TANC1: variants seen among roughly 807,000 people sequenced by gnomAD.
The protein encoded by TANC1 is tetratricopeptide repeat, ankyrin repeat and coiled-coil containing 1, also known as protein TANC1.
Under a neutral mutation model 149.7 loss-of-function variants are expected in TANC1, and 77 were observed. That is an observed-to-expected ratio of 0.51 (90% CI 0.43 to 0.62). The LOEUF is 0.62. TANC1 is among the 20% of genes least tolerant of loss of function. The probability of loss-of-function intolerance (pLI) is 0.00; values close to 1 mark genes in which losing one functional copy is unlikely to be tolerated. For missense variants in TANC1, 1,985 were observed against 2,321.8 expected (o/e 0.85, Z 2.98); for synonymous variants, 854 against 925.0 (o/e 0.92, Z 1.39).
intron 1 of TANC1, among the ~76,000 whole-genome samples, chr2:158,993,325 T>TC (rs2035849163): frequency 6.6e-6 from 1 of 152,156 alleles, no homozygotes; most frequent in Admixed American, 6.5e-5. Flanking sequence ...AATGGCACGA[T>TC]CAGCTTACTT....
In TANC1 at chr2:159,170,527, G is replaced by C; in HGVS notation, c.1073G>C (p.Arg358Pro). Residue 358 changes from arginine (R) to proline (P), a missense_variant, in exon 10 of 27, where the codon CGA becomes CCA. Coordinates refer to ENST00000263635, the MANE Select transcript of TANC1 (RefSeq NM_033394.3). The part of the protein sequence containing the change: ...AGGRAQEVKA[R>P]FAPYKPQDIL... ...ATTTTTTTTTCTTCTTTTGAAGCACGATTTGCTCCCTACAAGCCACAAGAC... is the reference window on the plus strand; with the variant it reads ...ATTTTTTTTTCTTCTTTTGAAGCACCATTTGCTCCCTACAAGCCACAAGAC... The C allele has an allele frequency of 6.3e-7, 1 of 1,582,108 alleles. No individual in the cohort carries two copies. Among genetic ancestry groups the C allele is most frequent in the South Asian group, 1.2e-5 (1 of 86,462 alleles).
chr2:159,145,169 GT>G (rs1225224254), intron 5 of TANC1, among the ~76,000 whole-genome samples: 1 of 152,194 alleles, frequency 6.6e-6, no homozygotes, highest in Non-Finnish European at 1.5e-5. Context: ...GGATGGTTTG[GT>G]AAGCAGAAAA....
At chr2:159,027,415 T>C (rs2039435942) in intron 2 of TANC1, among the ~76,000 whole-genome samples, 1 of 152,254 alleles carries the variant, frequency 6.6e-6, no homozygotes, top group Non-Finnish European at 1.5e-5. Flanking sequence ...GTGACAAGGA[T>C]GGCCTTTACT....
intron 5 of TANC1, among the ~76,000 whole-genome samples, chr2:159,143,526 T>C (rs1012335553): frequency 8.5e-5 from 9 of 105,802 alleles, no homozygotes; most frequent in African/African-American, 3.4e-4. Flanking sequence ...ATAACCAGCC[T>C]GAGTAACATA....
chr2:159,095,913 A>G (rs1362472338), intron 3 of TANC1, among the ~76,000 whole-genome samples: 2 of 152,068 alleles, frequency 1.3e-5, no homozygotes, highest in African/African-American at 4.8e-5. Context: ...AGCCTTGTAC[A>G]CAAAAATCTG....
Position 159,149,163 on chromosome 2 carries a change from C to T in TANC1, c.386C>T (p.Pro129Leu), listed in dbSNP as rs891906625. ...CCAGAAGCAAAGGCCGATAATGAAC[C>T]GAGCTGTTCGCCGGCAGCTCAAGAA... The part of the protein sequence containing the change: ...DEHEAKADNE[P>L]SCSPAAQELL... The change falls in exon 6 of 27, where the codon CCG (proline) becomes CTG (leucine). Residue 129 changes from proline (P) to leucine (L), a missense_variant. Around this residue, in one of 3 missense-constraint regions of TANC1, gnomAD observed 557 missense variants for 612.9 expected, o/e 0.91. Transcript: ENST00000263635. 9.3e-6 allele frequency: 15 copies of T among 1,605,270 alleles called. No individual in the cohort carries two copies. Among genetic ancestry groups the T allele is most frequent in the African/African-American group, 4.0e-5 (3 of 74,646 alleles).
chr2:159,053,001 C>T (rs1218926451), intron 2 of TANC1, among the ~76,000 whole-genome samples: 1 of 152,178 alleles, frequency 6.6e-6, no homozygotes, highest in Non-Finnish European at 1.5e-5. Flanking sequence ...TTCAAAAACA[C>T]TCTGAGGGTA....
chr2:158,991,166 A>G (rs1265888800), intron 1 of TANC1, among the ~76,000 whole-genome samples: 1 of 151,896 alleles, frequency 6.6e-6, no homozygotes, highest in African/African-American at 2.4e-5. Context: ...GGATTAAAAT[A>G]CACTGTTACT....
chr2:159,172,339 A>G (rs1174103251), intron 11 of TANC1, 67 bp downstream of exon 11: 5 of 1,495,990 alleles, frequency 3.3e-6, no homozygotes, highest in Non-Finnish European at 4.6e-6. Context: ...TCTGAGAAGT[A>G]GATTGGAAAA....
At chr2:159,204,965 C>G (rs529248152) in intron 19 of TANC1, among the ~76,000 whole-genome samples, 1 of 152,206 alleles carries the variant, frequency 6.6e-6, no homozygotes, top group African/African-American at 2.4e-5. Context: ...GTTTACTGTT[C>G]ACTAATTCTG....
intron 8 of TANC1, among the ~76,000 whole-genome samples, chr2:159,165,830 CTCT>C: frequency 6.6e-6 from 1 of 152,234 alleles, no homozygotes; most frequent in African/African-American, 2.4e-5. Flanking sequence ...GATGCCAGAC[CTCT>C]GTTCACAGCC....
intron 25 of TANC1, 200 bp from the exon 26 acceptor site, chr2:159,228,596 A>T: frequency 1.8e-6 from 1 of 548,134 alleles, no homozygotes. Flanking sequence ...CACTGTTTTC[A>T]TAGTGGATTC....
Position 159,058,769 on chromosome 2 carries a change from A to G in TANC1, c.-15-7127A>G, listed in dbSNP as rs192595469. ...TTTTCTTTCTGCCAAGTACTTATCA[A>G]AATACTAATTTTCTAGTAACTTGAA... On this transcript the variant is annotated intron_variant, in intron 2 of 26. Transcript: ENST00000263635. Among the ~76,000 whole-genome samples, 7 of 152,324 alleles carry G rather than the reference A, an allele frequency of 4.6e-5. No individual in the cohort carries two copies. The East Asian group carries it at 1.3e-3, about 29-fold the overall frequency.
rs1159847071 is a variant in TANC1 at position 159,196,674 on chromosome 2, A to C, written c.3046A>C (p.Ile1016Leu). Reference sequence around the variant, plus strand: ...CAGTGCCCTACGGGGCCACGGTGACATTCTCCAGTACCTGCTGACTTGTGA... The same window carrying C: ...CAGTGCCCTACGGGGCCACGGTGACCTTCTCCAGTACCTGCTGACTTGTGA... ...VHSALRGHGD[I>L]LQYLLTCEWS... Residue 1016 changes from isoleucine (I) to leucine (L), a missense_variant, in exon 18 of 27, where the codon ATT becomes CTT. Around this residue, in one of 3 missense-constraint regions of TANC1, gnomAD observed 508 missense variants for 714.2 expected, o/e 0.71. Coordinates refer to ENST00000263635, the MANE Select transcript of TANC1 (RefSeq NM_033394.3). 6.2e-7 allele frequency: 1 copy of C among 1,614,088 alleles called. No homozygotes were observed. Among genetic ancestry groups the C allele is most frequent in the Admixed American group, 1.7e-5 (1 of 60,020 alleles).
At chr2:159,205,753 TG>T (rs2150798008) in intron 19 of TANC1, among the ~76,000 whole-genome samples, 1 of 152,356 alleles carries the variant, frequency 6.6e-6, no homozygotes, top group South Asian at 2.1e-4. Context: ...TGATGATGTG[TG>T]GCCTTTCTCA....
At chr2:159,017,257 G>T (rs2038373965) in intron 2 of TANC1, among the ~76,000 whole-genome samples, 1 of 152,166 alleles carries the variant, frequency 6.6e-6, no homozygotes, top group Admixed American at 6.5e-5. Flanking sequence ...AAATCAAGCT[G>T]CCAGGTAGTT....
At chr2:159,053,508 A>G (rs2041625896) in intron 2 of TANC1, among the ~76,000 whole-genome samples, 1 of 152,248 alleles carries the variant, frequency 6.6e-6, no homozygotes, top group South Asian at 2.1e-4. Flanking sequence ...CCACTGCAGT[A>G]TCACTGCAGG....
intron 3 of TANC1, among the ~76,000 whole-genome samples, chr2:159,090,990 C>T (rs991018075): frequency 9.3e-5 from 14 of 151,290 alleles, no homozygotes; most frequent in African/African-American, 2.7e-4. Context: ...ATTAACCAGC[C>T]GGCATGAAAA....
rs574841452 is a variant in TANC1, at chr2:159,151,181, C to A, written c.682+625C>A. 5.9e-5 allele frequency among the ~76,000 whole-genome samples: 9 copies of A among 152,354 alleles called. No homozygotes were observed. In the South Asian group the frequency reaches 1.9e-3, roughly 32 times the overall value. On this transcript the variant is annotated intron_variant, in intron 7 of 26. Transcript: ENST00000263635. ...TTGAATTTACCTTTTTGCACACTTT[C>A]TTTCTCTAGATCATTAAGGATTTTG...
Sources: gnomAD v4.1 joint callset for allele counts (sites outside exome capture counted in the v4.1 genomes callset) on GRCh38, gnomAD v4.1.1 for gene constraint, gnomAD v4.1.1 regional missense constraint, MANE v1.5 for transcripts, NCBI Gene and HGNC (gene_info 2026-07-23, HGNC 2026-07-21) for gene names.